The following CUL9 variants were observed in gnomAD, a reference collection of about 807,000 sequenced individuals.
CUL9 encodes the protein cullin-9.
In CUL9, 79 loss-of-function variants were observed where a neutral mutation model predicts 272.6. That is an observed-to-expected ratio of 0.29 (90% CI 0.24 to 0.35). The LOEUF (loss-of-function observed/expected upper bound fraction) is 0.35, where lower values mean the gene tolerates loss of function less well. Ranked by LOEUF, CUL9 falls within the 10% of genes least tolerant of loss-of-function variation. CUL9 has a pLI of 1.00. For missense variants in CUL9, 2,532 were observed against 3,255.6 expected, an observed-to-expected ratio of 0.78 and a Z score of 5.41; for synonymous variants, 1,186 against 1,286.5, an observed-to-expected ratio of 0.92 and a Z score of 1.67.
At chr6:43,215,716 G>A (rs1459191225) in intron 30 of CUL9, among the ~76,000 whole-genome samples, 1 of 152,132 alleles carries the variant, frequency 6.6e-6, no homozygotes, top group Non-Finnish European at 1.5e-5. Flanking sequence ...GAATTATCGC[G>A]AGTAATCTTT....
At chr6:43,186,589 T>C in intron 4 of CUL9, 134 bp downstream of exon 4, 1 of 1,323,796 alleles carries the variant, frequency 7.6e-7, no homozygotes, top group Non-Finnish European at 1.0e-6. Flanking sequence ...ACAAGGGGGT[T>C]GGCATTTGTG....
chr6:43,207,118 A>G (rs1775109174), intron 26 of CUL9, among the ~76,000 whole-genome samples: 1 of 152,182 alleles, frequency 6.6e-6, no homozygotes, highest in Admixed American at 6.5e-5. Flanking sequence ...TGCCCGGCCA[A>G]AAAGATTTTT....
At chr6:43,182,784 A>G (rs531650275) in intron 1 of CUL9, among the ~76,000 whole-genome samples, 1 of 151,922 alleles carries the variant, frequency 6.6e-6, no homozygotes, top group East Asian at 1.9e-4. Flanking sequence ...TGACCACTAT[A>G]TCTTCATCTG....
At chr6:43,198,098 G>A (rs866817873) in intron 11 of CUL9, 82 of 174,192 alleles carry the variant, frequency 4.7e-4, no homozygotes, top group African/African-American at 1.8e-3. Context: ...AAAATTAGCC[G>A]GGCACGGTGG....
Position 43,202,994 on chromosome 6 carries a change from C to T in CUL9, c.3754-115C>T. On this transcript the variant is annotated intron_variant, in intron 17 of 40. Transcript: ENST00000252050. ...ATGCAGAGCCACGTCCATCCCTAGG[C>T]TCTGCGGGAGAAGTGAAGGGCACAC... 4 of 1,274,144 alleles carry T rather than the reference C, an allele frequency of 3.1e-6. No individual in the cohort carries two copies. The Admixed American group carries it at 7.3e-5, about 23-fold the overall frequency. The allele number at this position is 1,274,144 out of a possible 1,614,324, so 78.9% of individuals were successfully genotyped here. A position where few individuals can be genotyped will look rare whatever the true frequency, so the allele number is the denominator to read the frequency against.
In CUL9 at chr6:43,223,033, C is replaced by G. The variant is rs553000576; in HGVS notation, c.7150+137C>G. On this transcript the variant is annotated intron_variant, in intron 38 of 40. Transcript: ENST00000252050. The surrounding 1 kb of genome is among the most constrained non-coding windows in gnomAD (Gnocchi z 4.1). ...CTCTTCATTCTTCATGGCCTTCTCA[C>G]TGCCTGGCTGTTAAAGCTCAGGTCG... 3.3e-6 allele frequency: 3 copies of G among 902,132 alleles called. No individual in the cohort carries two copies. Among genetic ancestry groups the G allele is most frequent in the African/African-American group, 3.3e-5 (2 of 59,992 alleles). The allele number at this position is 902,132 out of a possible 1,614,324, so 55.9% of individuals were successfully genotyped here.
Position 43,185,463 on chromosome 6 carries a change from G to A in CUL9, c.603G>A (p.Arg201=). The part of the protein sequence containing the change: ...QALAAHDAGS[R]AHVLLSLSQQ... Reference sequence around the variant, plus strand: ...ATTGGGTATGGATTACAGGGAGTCGGGCTCACGTCCTTCTATCACTGAGCC... The same window carrying A: ...ATTGGGTATGGATTACAGGGAGTCGAGCTCACGTCCTTCTATCACTGAGCC... Residue 201 remains arginine (R), a synonymous_variant, in exon 3 of 41, where the codon CGG becomes CGA. Transcript: ENST00000252050. 6.2e-7 allele frequency: 1 copy of A among 1,613,576 alleles called. No homozygotes were observed.
Position 43,224,062 on chromosome 6 carries a change from C to T in CUL9, c.7285-33C>T. 1 of 1,609,060 alleles carries T rather than the reference C, an allele frequency of 6.2e-7. No homozygotes were observed. The highest frequency in any genetic ancestry group is 1.1e-5 in the South Asian group (1 of 90,942). ...GGGTCCAAAGGCCCCATGCCCTCTACCTCCTTCTCAAATCCTTCTGTCTGC... is the reference window on the plus strand; with the variant it reads ...GGGTCCAAAGGCCCCATGCCCTCTATCTCCTTCTCAAATCCTTCTGTCTGC... On this transcript the variant is annotated intron_variant, in intron 39 of 40. Coordinates refer to ENST00000252050, the MANE Select transcript of CUL9 (RefSeq NM_015089.4). The surrounding 1 kb of genome is among the most constrained non-coding windows in gnomAD (Gnocchi z 4.2).
chr6:43,216,357 C>T lies in CUL9; in HGVS notation c.6136C>T (p.Pro2046Ser). The T allele has an allele frequency of 1.2e-6, 2 of 1,614,148 alleles. No homozygotes were observed. Among genetic ancestry groups the T allele is most frequent in the Non-Finnish European group, 1.7e-6 (2 of 1,180,002 alleles). ...GCTGCTGCAGAGCTACAGTGAGGAC[C>T]CTGAGCCACTGCTGCTGGCAGCTGG... is the stretch of plus-strand genomic sequence containing the variant. ...EQLLQSYSED[P>S]EPLLLAAGLC... is the part of the protein sequence containing the mutation. The change falls in exon 31 of 41, where the codon CCT becomes TCT. Residue 2046 changes from proline (P) to serine (S), a missense_variant. Physicochemically the swap from Pro to Ser is moderately conservative, Grantham distance 74 (BLOSUM62 -1). Around this residue, in one of 3 missense-constraint regions of CUL9, gnomAD observed 2,218 missense variants for 2,788.6 expected, o/e 0.80. Transcript: ENST00000252050.
In CUL9 at chr6:43,200,091, G is replaced by A; in HGVS notation, c.3319G>A (p.Glu1107Lys). 1 of 1,614,238 alleles carries A rather than the reference G, an allele frequency of 6.2e-7. No individual in the cohort carries two copies. Among genetic ancestry groups the A allele is most frequent in the Non-Finnish European group, 8.5e-7 (1 of 1,180,042 alleles). The change falls in exon 14 of 41, where the codon GAG (glutamate) becomes AAG (lysine). Residue 1107 changes from glutamate to lysine, a missense_variant. By Grantham distance (56) the Glu-to-Lys change is moderately conservative (BLOSUM62 1). This residue lies in a region of CUL9 where 2,218 missense variants were observed against 2,788.6 expected (regional missense o/e 0.80). Coordinates refer to ENST00000252050, the MANE Select transcript of CUL9 (RefSeq NM_015089.4). This position sits in a 1 kb window ranked among gnomAD's most constrained non-coding sequence, Gnocchi z 4.0. ...CTGTGAGCTTCGGGACCTGGTGACAGAGTGTGAGAAGTACGCACAGCTCTA... is the reference window on the plus strand; with the variant it reads ...CTGTGAGCTTCGGGACCTGGTGACAAAGTGTGAGAAGTACGCACAGCTCTA... ...LGCELRDLVT[E>K]CEKYAQLYSN...
intron 8 of CUL9, 140 bp from the exon 9 acceptor site, chr6:43,192,861 G>C (rs1324010446): frequency 1.5e-6 from 1 of 689,600 alleles, no homozygotes; most frequent in Admixed American, 2.4e-5. Context: ...CTGAAGCCAG[G>C]AGAGCAGGTT....
chr6:43,220,385 C>T lies in CUL9; in HGVS notation c.6283-74C>T. The T allele has an allele frequency of 6.5e-7, 1 of 1,546,696 alleles. No individual in the cohort carries two copies. Among genetic ancestry groups the T allele is most frequent in the Non-Finnish European group, 8.8e-7 (1 of 1,130,742 alleles). ...AGGGGAAGGGAAGGAGGGACGCTAG[C>T]TTAGTTACCAGGACACTCCCCCTGT... On this transcript the variant is annotated intron_variant, in intron 31 of 40. Coordinates refer to ENST00000252050, the MANE Select transcript of CUL9 (RefSeq NM_015089.4). The surrounding 1 kb of genome is among the most constrained non-coding windows in gnomAD (Gnocchi z 4.9).
At position 43,185,535 on chromosome 6, in the gene CUL9, A is replaced by G. The variant is rs1261981760; in HGVS notation, c.675A>G (p.Thr225=). 1.9e-6 allele frequency: 3 copies of G among 1,613,904 alleles called. No individual in the cohort carries two copies. Among genetic ancestry groups the G allele is most frequent in the Non-Finnish European group, 2.5e-6 (3 of 1,180,038 alleles). ...EQHMDFDSRY[T]LLELFAETTS... ...ACATGGATTTTGACAGTCGCTATAC[A>G]TTGCTGGAGCTGTTTGCAGAAACCA... is the stretch of plus-strand genomic sequence containing the variant. The change falls in exon 3 of 41, where the codon ACA becomes ACG. Residue 225 remains threonine, a synonymous_variant. Transcript: ENST00000252050.
At chr6:43,208,686 G>A (rs998637727) in intron 26 of CUL9, among the ~76,000 whole-genome samples, 2 of 151,968 alleles carry the variant, frequency 1.3e-5, no homozygotes, top group African/African-American at 4.8e-5. Context: ...GCTTTCTTTG[G>A]TTACTGGCTT....
rs1246715054 is a variant in CUL9, at chr6:43,218,102, A to T, written c.6282+1599A>T. Among the ~76,000 whole-genome samples, 3 of 151,994 alleles carry T rather than the reference A, an allele frequency of 2.0e-5. No homozygotes were observed. Among genetic ancestry groups the T allele is most frequent in the African/African-American group, 4.8e-5 (2 of 41,380 alleles). On this transcript the variant is annotated intron_variant, in intron 31 of 40. Transcript: ENST00000252050. The surrounding 1 kb of genome is among the most constrained non-coding windows in gnomAD (Gnocchi z 4.4). ...TGGAATTATAGGCATAAGCCACCAC[A>T]CCCAGCCTGACAGTGGATTTTATTT...
Position 43,203,060 on chromosome 6 carries a change from T to C in CUL9, c.3754-49T>C, listed in dbSNP as rs1774743547. 6.2e-7 allele frequency: 1 copy of C among 1,600,970 alleles called. No individual in the cohort carries two copies. The highest frequency in any genetic ancestry group is 1.1e-5 in the South Asian group (1 of 90,744). ...GTTACTGTCAACAATTTTTCCAACC[T>C]TGTTTCTGGAGGTGACAGTTCTCTC... is the stretch of plus-strand genomic sequence containing the variant. On this transcript the variant is annotated intron_variant, in intron 17 of 40. Coordinates refer to ENST00000252050, the MANE Select transcript of CUL9 (RefSeq NM_015089.4). This position sits in a 1 kb window ranked among gnomAD's most constrained non-coding sequence, Gnocchi z 5.0.
At position 43,224,529 on chromosome 6, in the gene CUL9, G is replaced by C. The variant is rs1776643543; in HGVS notation, c.*84G>C. On this transcript the variant is annotated 3_prime_UTR_variant, in exon 41 of 41. Coordinates refer to ENST00000252050, the MANE Select transcript of CUL9 (RefSeq NM_015089.4). This position sits in a 1 kb window ranked among gnomAD's most constrained non-coding sequence, Gnocchi z 4.2. ...GAGCTGCCCCTGTCATAGGGAGGGG[G>C]ATTCCCAGCGTCTGTAGTGCTTCCT... The C allele has an allele frequency of 7.8e-7, 1 of 1,283,034 alleles. No homozygotes were observed. Among genetic ancestry groups the C allele is most frequent in the Non-Finnish European group, 1.1e-6 (1 of 928,750 alleles). The allele number at this position is 1,283,034 out of a possible 1,614,324, so 79.5% of individuals were successfully genotyped here.
chr6:43,208,609 C>T (rs1173167905), intron 26 of CUL9, among the ~76,000 whole-genome samples: 1 of 152,186 alleles, frequency 6.6e-6, no homozygotes, highest in Non-Finnish European at 1.5e-5. Flanking sequence ...TATGAAGTGA[C>T]ATTCTTTCTT....
Position 43,220,803 on chromosome 6 carries a change from C to T in CUL9, c.6480C>T (p.Cys2160=). The change falls in exon 33 of 41, where the codon TGC becomes TGT. Residue 2160 remains cysteine, a synonymous_variant. Coordinates refer to ENST00000252050, the MANE Select transcript of CUL9 (RefSeq NM_015089.4). This position sits in a 1 kb window ranked among gnomAD's most constrained non-coding sequence, Gnocchi z 4.9. ...AGAGCTGCTCCAACCTGACCTGGTG[C>T]ACCAACCCCCAGGGCTGCGACCGCA... is the stretch of plus-strand genomic sequence containing the variant. ...YVESCSNLTW[C]TNPQGCDRIL... 1 of 1,613,500 alleles carries T rather than the reference C, an allele frequency of 6.2e-7. No homozygotes were observed.
Sources: allele counts gnomAD v4.1 joint callset (sites outside exome capture counted in the v4.1 genomes callset), GRCh38; gene constraint gnomAD v4.1.1; regional missense constraint gnomAD v4.1.1; non-coding constraint Gnocchi (gnomAD v3.1); transcripts MANE v1.5; gene names NCBI Gene and HGNC (gene_info 2026-07-23, HGNC 2026-07-21).